The following CNTN4 variants were observed in gnomAD, a reference collection of about 807,000 sequenced individuals.
CNTN4 encodes the protein contactin-4.
CNTN4 carries 77 observed loss-of-function variants against 122.5 expected under a neutral mutation model. The ratio of observed to expected loss-of-function variants is 0.63; its 90% CI spans 0.52 to 0.76. The LOEUF (loss-of-function observed/expected upper bound fraction) is 0.76, where lower values mean the gene tolerates loss of function less well. CNTN4 is among the 30% of genes least tolerant of loss of function. The pLI is 0.00. For missense variants in CNTN4, 1,256 were observed against 1,259.1 expected (o/e 1.00, Z 0.04); for synonymous variants, 512 against 447.0 (o/e 1.15, Z -1.83).
intron 4 of CNTN4, among the ~76,000 whole-genome samples, chr3:2,654,397 T>C (rs548265479): frequency 6.6e-6 from 1 of 152,336 alleles, no homozygotes; most frequent in African/African-American, 2.4e-5. Flanking sequence ...AAAATTATAC[T>C]GTTTGTAATC....
intron 2 of CNTN4, among the ~76,000 whole-genome samples, chr3:2,322,009 T>A (rs62243966): frequency 0.12 from 18,720 of 152,188 alleles, 1,410 homozygotes; most frequent in Non-Finnish European, 0.17. Flanking sequence ...TAGTTATTTA[T>A]TTTATGTGCT....
intron 6 of CNTN4, among the ~76,000 whole-genome samples, chr3:2,796,714 C>T (rs2092194717): frequency 6.6e-6 from 1 of 152,148 alleles, no homozygotes; most frequent in Non-Finnish European, 1.5e-5. Flanking sequence ...TGCTTAAGTC[C>T]TTACATAAGA....
At chr3:2,619,749 A>G (rs1403836263) in intron 4 of CNTN4, among the ~76,000 whole-genome samples, 1 of 152,160 alleles carries the variant, frequency 6.6e-6, no homozygotes, top group Non-Finnish European at 1.5e-5. Flanking sequence ...TTTTCCTTGA[A>G]ATGTTTTTTG....
At chr3:2,840,616 G>A (rs13067202) in intron 7 of CNTN4, among the ~76,000 whole-genome samples, 13,805 of 113,162 alleles carry the variant, frequency 0.12, 1,658 homozygotes, top group Non-Finnish European at 0.18. Context: ...GGAGAATGGC[G>A]GGAACCCGGG....
At chr3:2,574,454 G>A (rs373217954) in intron 4 of CNTN4, among the ~76,000 whole-genome samples, 16 of 152,076 alleles carry the variant, frequency 1.1e-4, no homozygotes, top group African/African-American at 3.9e-4. Context: ...ATCCTGCAAG[G>A]GATGCAACTG....
chr3:2,771,623 G>A (rs564278820), intron 6 of CNTN4, among the ~76,000 whole-genome samples: 1 of 152,076 alleles, frequency 6.6e-6, no homozygotes, highest in South Asian at 2.1e-4. Flanking sequence ...TTATGTAAAT[G>A]TCTTATATAA....
At chr3:2,972,891 TTTTTAA>T (rs1288883302) in intron 13 of CNTN4, among the ~76,000 whole-genome samples, 1 of 151,118 alleles carries the variant, frequency 6.6e-6, no homozygotes. Context: ...CACCAAGACA[TTTTTAA>T]TAGTAAGAGC....
chr3:2,784,737 A>T (rs970494144), intron 6 of CNTN4, among the ~76,000 whole-genome samples: 6 of 152,198 alleles, frequency 3.9e-5, no homozygotes, highest in Non-Finnish European at 8.8e-5. Flanking sequence ...CAGCCATCTC[A>T]CTTTGAGCAA....
intron 4 of CNTN4, among the ~76,000 whole-genome samples, chr3:2,704,274 G>A (rs2086524150): frequency 7.0e-6 from 1 of 143,340 alleles, no homozygotes; most frequent in Non-Finnish European, 1.5e-5. Context: ...TCCAGCCTGG[G>A]TGACAGAGCG....
intron 4 of CNTN4, among the ~76,000 whole-genome samples, chr3:2,702,778 A>G (rs1023859481): frequency 3.3e-5 from 5 of 152,200 alleles, no homozygotes; most frequent in African/African-American, 4.8e-5. Flanking sequence ...GTATGGAAGG[A>G]TATAGCTAAG....
At position 2,685,339 on chromosome 3, in the gene CNTN4, T is replaced by C. The variant is rs189364349; in HGVS notation, c.56-50876T>C. ...ACTTTCTATTACCTTCAATTGGTGA[T>C]AAAAATGTTAATGATGATCTTCAAA... On this transcript the variant is annotated intron_variant, in intron 4 of 24. Coordinates refer to ENST00000418658, the MANE Select transcript of CNTN4 (RefSeq NM_175607.3). Among the ~76,000 whole-genome samples, 27 of 152,278 alleles carry C rather than the reference T, an allele frequency of 1.8e-4. No homozygotes were observed. The East Asian group carries it at 4.1e-3, about 23-fold the overall frequency.
intron 2 of CNTN4, among the ~76,000 whole-genome samples, chr3:2,122,019 G>A (rs1024847401): frequency 2.2e-4 from 30 of 133,368 alleles, no homozygotes; most frequent in African/African-American, 7.3e-4. Context: ...AGCCGGGCGT[G>A]GTGGCGGCGC....
At chr3:2,279,533 A>G (rs1443407186) in intron 2 of CNTN4, among the ~76,000 whole-genome samples, 1 of 152,222 alleles carries the variant, frequency 6.6e-6, no homozygotes, top group Non-Finnish European at 1.5e-5. Flanking sequence ...CTCTTCAACA[A>G]GTCACTGTCT....
intron 2 of CNTN4, among the ~76,000 whole-genome samples, chr3:2,192,344 C>T (rs1040404321): frequency 6.6e-6 from 1 of 151,976 alleles, no homozygotes; most frequent in African/African-American, 2.4e-5. Context: ...ACAGTCCCAC[C>T]AACAGTGTAA....
At chr3:2,101,794 A>G (rs1028979668) in intron 2 of CNTN4, among the ~76,000 whole-genome samples, 3 of 152,242 alleles carry the variant, frequency 2.0e-5, no homozygotes, top group Non-Finnish European at 2.9e-5. Flanking sequence ...AGCAAAAATT[A>G]TGAAATAGAA....
At chr3:2,188,371 C>T (rs1483205694) in intron 2 of CNTN4, among the ~76,000 whole-genome samples, 1 of 152,112 alleles carries the variant, frequency 6.6e-6, no homozygotes, top group Non-Finnish European at 1.5e-5. Flanking sequence ...CAAGTTGCTT[C>T]CTCATCTCCT....
chr3:2,855,844 C>T (rs936520728), intron 7 of CNTN4, among the ~76,000 whole-genome samples: 1 of 151,070 alleles, frequency 6.6e-6, no homozygotes, highest in African/African-American at 2.5e-5. Context: ...AGCAAAACTG[C>T]ACCAGAGTCA....
intron 4 of CNTN4, among the ~76,000 whole-genome samples, chr3:2,599,511 G>A (rs1207369475): frequency 6.6e-6 from 1 of 152,112 alleles, no homozygotes; most frequent in Non-Finnish European, 1.5e-5. Context: ...CTATAAAGGT[G>A]ATGGTGAGTA....
In CNTN4 at chr3:2,571,487, G is replaced by C; in HGVS notation, c.-17G>C. 1 of 1,607,734 alleles carries C rather than the reference G, an allele frequency of 6.2e-7. No individual in the cohort carries two copies. The highest frequency in any genetic ancestry group is 8.5e-7 in the Non-Finnish European group (1 of 1,174,152). ...TGTTATTGGACTTGAAACTCCCTTT[G>C]ACCTCGGAAACTGAAGATGAGGTTG... On this transcript the variant is annotated 5_prime_UTR_variant, in exon 4 of 25. Coordinates refer to ENST00000418658, the MANE Select transcript of CNTN4 (RefSeq NM_175607.3).
Sources: gnomAD v4.1 joint callset for allele counts (sites outside exome capture counted in the v4.1 genomes callset) on GRCh38, gnomAD v4.1.1 for gene constraint, MANE v1.5 for transcripts, NCBI Gene and HGNC (gene_info 2026-07-23, HGNC 2026-07-21) for gene names.